The following CDH18 variants were observed in gnomAD, a reference collection of about 807,000 sequenced individuals.
CDH18 encodes the protein cadherin-18.
CDH18 carries 31 observed loss-of-function variants against 67.9 expected under a neutral mutation model. That is an observed-to-expected ratio of 0.46 (90% confidence interval 0.34 to 0.62). The LOEUF (loss-of-function observed/expected upper bound fraction) is 0.62. Among genes scored for constraint, CDH18 ranks in the 20% least tolerant of loss-of-function variants. CDH18 has a pLI of 0.01. For synonymous variants in CDH18, 362 were observed against 347.2 expected (o/e 1.04, Z -0.48); for missense variants, 890 against 975.5 (o/e 0.91, Z 1.17).
chr5:19,573,701 T>A (rs1457906400), intron 7 of CDH18, among the ~76,000 whole-genome samples: 2 of 152,166 alleles, frequency 1.3e-5, no homozygotes, highest in Non-Finnish European at 2.9e-5. Flanking sequence ...CCCATCAAAA[T>A]TTAAATAACT....
intron 2 of CDH18, among the ~76,000 whole-genome samples, chr5:20,110,658 CA>C (rs567385076): frequency 2.7e-5 from 4 of 148,254 alleles, no homozygotes; most frequent in South Asian, 2.1e-4. Context: ...CACTCTGTCT[CA>C]AAAAAAAACA....
chr5:20,388,199 G>GA (rs1376025598), intron 1 of CDH18, among the ~76,000 whole-genome samples: 2 of 152,126 alleles, frequency 1.3e-5, no homozygotes, highest in East Asian at 3.9e-4. Flanking sequence ...TCTGGTCCTA[G>GA]ACTTTTTTTG....
intron 4 of CDH18, among the ~76,000 whole-genome samples, chr5:19,722,263 A>G (rs765233246): frequency 1.3e-5 from 2 of 151,800 alleles, no homozygotes; most frequent in Non-Finnish European, 2.9e-5. Context: ...CATGTTGGCC[A>G]GGTTGGTCTT....
At chr5:19,819,127 C>T (rs1254062342) in intron 3 of CDH18, among the ~76,000 whole-genome samples, 1 of 151,546 alleles carries the variant, frequency 6.6e-6, no homozygotes, top group Non-Finnish European at 1.5e-5. Context: ...TTACAAAGTT[C>T]TCTAAAATCA....
chr5:19,997,018 A>G (rs1223896560), intron 2 of CDH18, among the ~76,000 whole-genome samples: 3 of 152,092 alleles, frequency 2.0e-5, no homozygotes, highest in Non-Finnish European at 2.9e-5. Context: ...AGTTACTAAA[A>G]TGAAATGCAA....
intron 1 of CDH18, chr5:20,304,199 G>A: frequency 2.0e-6 from 3 of 1,496,376 alleles, no homozygotes; most frequent in Non-Finnish European, 2.8e-6. Flanking sequence ...TTTCCCTGTT[G>A]GCGTACGTGG....
At chr5:19,709,004 T>TTAAATAAATAAA (rs1458426187) in intron 5 of CDH18, among the ~76,000 whole-genome samples, 2 of 149,072 alleles carry the variant, frequency 1.3e-5, no homozygotes, top group African/African-American at 4.9e-5. Context: ...CTAGACTCTG[T>TTAAATAAATAAA]TAAATAAATA....
chr5:19,612,452 G>T lies in CDH18; in HGVS notation c.793C>A (p.Pro265Thr), dbSNP rs17852885. Residue 265 changes from proline to threonine, a missense_variant, in exon 6 of 13, where the codon CCA becomes ACA. By Grantham distance (38) the Pro-to-Thr change is conservative. Coordinates refer to ENST00000382275, the MANE Select transcript of CDH18 (RefSeq NM_004934.5). Reference sequence around the variant, plus strand: ...TACGTACTTTGAGGAAAGCGTGGTGGGTTGTCATTGACATCGGTTAAGGTG... The same window carrying T: ...TACGTACTTTGAGGAAAGCGTGGTGTGTTGTCATTGACATCGGTTAAGGTG... ...NITLTDVNDNPPRFPQKHYQL... is the reference protein window; with the variant it reads ...NITLTDVNDNTPRFPQKHYQL... 2 of 1,614,038 alleles carry T rather than the reference G, an allele frequency of 1.2e-6. No individual in the cohort carries two copies. Among genetic ancestry groups the T allele is most frequent in the Non-Finnish European group, 1.7e-6 (2 of 1,179,986 alleles).
intron 2 of CDH18, among the ~76,000 whole-genome samples, chr5:19,994,457 C>A (rs1377122853): frequency 6.6e-6 from 1 of 150,452 alleles, no homozygotes; most frequent in African/African-American, 2.4e-5. Context: ...TTGATATAAA[C>A]AATGCTTTAA....
chr5:19,536,854 C>G (rs1353784426), intron 9 of CDH18, among the ~76,000 whole-genome samples: 1 of 152,084 alleles, frequency 6.6e-6, no homozygotes, highest in Non-Finnish European at 1.5e-5. Flanking sequence ...TGAAGACCTT[C>G]TCCAGGAAAA....
At position 19,964,647 on chromosome 5, in the gene CDH18, CAAAA is replaced by C. The variant is rs10719096; in HGVS notation, c.-257+16409_-257+16412del. Among the ~76,000 whole-genome samples, 193 of 77,250 alleles carry C rather than the reference CAAAA, an allele frequency of 2.5e-3. 1 individual carries two copies. The highest frequency in any genetic ancestry group is 6.0e-3 in the African/African-American group (178 of 29,810). The allele number at this position is 77,250 out of a possible 152,430, so 50.7% of individuals were successfully genotyped here. A position where few individuals can be genotyped will look rare whatever the true frequency, so the allele number is the denominator to read the frequency against. ...TGGATGGCAGGGCAAGGCCCTGTATCAAAAAAAAAAAAAAGAAAAAAAAAGAAAG... is the reference window on the plus strand; with the variant it reads ...TGGATGGCAGGGCAAGGCCCTGTATCAAAAAAAAAAGAAAAAAAAAGAAAG... On this transcript the variant is annotated intron_variant, in intron 2 of 12. Coordinates refer to ENST00000382275, the MANE Select transcript of CDH18 (RefSeq NM_004934.5).
chr5:20,396,167 C>A (rs1196612037), intron 1 of CDH18, among the ~76,000 whole-genome samples: 1 of 152,104 alleles, frequency 6.6e-6, no homozygotes, highest in Non-Finnish European at 1.5e-5. Flanking sequence ...TTGTGATTGG[C>A]ATCTATAGTG....
chr5:19,901,980 G>A (rs778087740), intron 2 of CDH18, among the ~76,000 whole-genome samples: 3 of 151,786 alleles, frequency 2.0e-5, no homozygotes, highest in South Asian at 2.1e-4. Flanking sequence ...TTTACCATGC[G>A]TATCATTACC....
At chr5:19,750,083 T>C (rs1770635125) in intron 3 of CDH18, among the ~76,000 whole-genome samples, 2 of 152,074 alleles carry the variant, frequency 1.3e-5, no homozygotes, top group Admixed American at 1.3e-4. Flanking sequence ...GAAATTTTAG[T>C]TTCTTGGCCA....
intron 1 of CDH18, among the ~76,000 whole-genome samples, chr5:20,413,054 G>A (rs4866188): frequency 0.52 from 79,120 of 151,992 alleles, 21,156 homozygotes; most frequent in Middle Eastern, 0.62. Context: ...GAGTAAGAAC[G>A]CGCAGCGTTT....
At chr5:19,734,176 C>CA (rs1012760750) in intron 4 of CDH18, among the ~76,000 whole-genome samples, 17 of 151,542 alleles carry the variant, frequency 1.1e-4, no homozygotes, top group South Asian at 6.3e-4. Flanking sequence ...AAAAATGAAA[C>CA]AAAAAAAAGC....
intron 1 of CDH18, among the ~76,000 whole-genome samples, chr5:20,447,379 A>T (rs1024355149): frequency 1.3e-3 from 175 of 138,734 alleles, no homozygotes; most frequent in African/African-American, 4.6e-3. Flanking sequence ...AAATCCTGAT[A>T]AAAAAAAAAA....
chr5:19,485,878 A>G (rs1740318389), intron 11 of CDH18, among the ~76,000 whole-genome samples: 1 of 152,202 alleles, frequency 6.6e-6, no homozygotes, highest in Non-Finnish European at 1.5e-5. Context: ...TGCAGTGTAG[A>G]TGGCGGCTCT....
chr5:20,451,669 T>C (rs1227052143), intron 1 of CDH18, among the ~76,000 whole-genome samples: 2 of 152,162 alleles, frequency 1.3e-5, no homozygotes, highest in African/African-American at 4.8e-5. Context: ...TAGTAAATCT[T>C]CCAATTAATG....
Sources: gnomAD v4.1 joint callset for allele counts (sites outside exome capture counted in the v4.1 genomes callset) on GRCh38, gnomAD v4.1.1 for gene constraint, MANE v1.5 for transcripts, NCBI Gene and HGNC (gene_info 2026-07-23, HGNC 2026-07-21) for gene names.